DNAH7: variants seen among roughly 807,000 people sequenced by gnomAD.
DNAH7 encodes dynein axonemal heavy chain 7, also known as axonemal beta dynein heavy chain 7.
In DNAH7, 397 loss-of-function variants were observed where a neutral mutation model predicts 444.6. The ratio of observed to expected loss-of-function variants is 0.89; its 90% CI spans 0.82 to 0.97. The LOEUF (loss-of-function observed/expected upper bound fraction) is 0.97. Among genes scored for constraint, DNAH7 ranks in the 50% least tolerant of loss-of-function variants. The probability of loss-of-function intolerance (pLI) is 0.00; values close to 1 mark genes in which losing one functional copy is unlikely to be tolerated. For synonymous variants in DNAH7, 1,636 were observed against 1,624.4 expected (o/e 1.01, Z -0.17); for missense variants, 4,902 against 4,800.8 (o/e 1.02, Z -0.62).
rs369337635 is a variant in DNAH7 at position 196,049,528 on chromosome 2, G to A, written c.142-1124C>T. On this transcript the variant is annotated intron_variant, in intron 3 of 64. Coordinates refer to ENST00000312428, the MANE Select transcript of DNAH7 (RefSeq NM_018897.3). ...TCTGTAAAGAAAATCACTCCAGGTC[G>A]TAATTACTGCTGGAGAACTTCTATC... 5.9e-5 allele frequency among the ~76,000 whole-genome samples: 9 copies of A among 152,296 alleles called. No individual in the cohort carries two copies. In the East Asian group the frequency reaches 9.6e-4, roughly 16 times the overall value.
At chr2:196,052,284 G>A (rs1697522650) in intron 2 of DNAH7, among the ~76,000 whole-genome samples, 1 of 152,172 alleles carries the variant, frequency 6.6e-6, no homozygotes, top group African/African-American at 2.4e-5. Context: ...CAGACCTAGA[G>A]GGAGTGGCTG....
chr2:195,902,406 G>A (rs1686765914), intron 27 of DNAH7: 1 of 152,154 alleles, frequency 6.6e-6, no homozygotes, highest in Non-Finnish European at 1.5e-5. Context: ...AAGAGCATGA[G>A]AATTGCTATA....
chr2:195,800,674 C>A (rs1696403308), intron 54 of DNAH7, among the ~76,000 whole-genome samples: 1 of 152,194 alleles, frequency 6.6e-6, no homozygotes, highest in Admixed American at 6.5e-5. Context: ...TCATGCCTCA[C>A]TCACATCAAA....
intron 24 of DNAH7, among the ~76,000 whole-genome samples, chr2:195,915,268 G>A (rs1687604812): frequency 6.6e-6 from 1 of 152,308 alleles, no homozygotes; most frequent in South Asian, 2.1e-4. Context: ...AAGGCTACCT[G>A]TAAAAGGTGA....
rs975611007 is a variant in DNAH7, at chr2:195,776,084, G to A, written c.11065-101C>T. ...GTTTTCAATACTCAAGTTATTGACT[G>A]GATAGGCCTGTGACACTGGACATTG... On this transcript the variant is annotated intron_variant, in intron 59 of 64. Coordinates refer to ENST00000312428, the MANE Select transcript of DNAH7 (RefSeq NM_018897.3). 1.2e-5 allele frequency: 17 copies of A among 1,397,376 alleles called. No individual in the cohort carries two copies. In the East Asian group the frequency reaches 3.0e-4, roughly 25 times the overall value. 86.6% of individuals were successfully genotyped at this position (1,397,376 alleles called of 1,614,324 possible).
intron 19 of DNAH7, among the ~76,000 whole-genome samples, chr2:195,944,888 T>G (rs1689698778): frequency 6.6e-6 from 1 of 152,028 alleles, no homozygotes; most frequent in Non-Finnish European, 1.5e-5. Flanking sequence ...CTCACCTCCC[T>G]TGTACTTCAA....
Position 195,824,301 on chromosome 2 carries a change from G to T in DNAH7, c.9245C>A (p.Thr3082Asn), listed in dbSNP as rs1421546102. Reference sequence around the variant, plus strand: ...ATAATGAGGATTTCTTAACTTGGTAGTAATATAGAAGCGGAAGTCAGGTGC... The same window carrying T: ...ATAATGAGGATTTCTTAACTTGGTATTAATATAGAAGCGGAAGTCAGGTGC... ...EYAPDFRFYI[T>N]TKLRNPHYLP... The change falls in exon 49 of 65, where the codon ACT becomes AAT. Residue 3082 changes from threonine (T) to asparagine (N), a missense_variant. Physicochemically the swap from Thr to Asn is moderately conservative, Grantham distance 65. Transcript: ENST00000312428. 43 of 1,613,588 alleles carry T rather than the reference G, an allele frequency of 2.7e-5. No individual in the cohort carries two copies. Among genetic ancestry groups the T allele is most frequent in the Non-Finnish European group, 3.6e-5 (42 of 1,179,796 alleles).
At chr2:196,001,358 G>A in intron 11 of DNAH7, among the ~76,000 whole-genome samples, 1 of 149,670 alleles carries the variant, frequency 6.7e-6, no homozygotes, top group East Asian at 2.0e-4. Flanking sequence ...TAAATATGCA[G>A]GTTGACATTA....
In DNAH7 at chr2:195,861,988, G is replaced by A. The variant is rs377267635; in HGVS notation, c.7507-42C>T. On this transcript the variant is annotated intron_variant, in intron 41 of 64. Transcript: ENST00000312428. ...TGCTTTAGCATTTTATTAAGATTAC[G>A]AATCTGGATCTGCTACTACTGCAGC... The A allele has an allele frequency of 3.0e-4, 440 of 1,491,140 alleles. 4 individuals are homozygous for A. Among genetic ancestry groups the A allele is most frequent in the Middle Eastern group, 3.4e-4 (2 of 5,840 alleles). 92.4% of individuals were successfully genotyped at this position (1,491,140 alleles called of 1,614,324 possible). A position where few individuals can be genotyped will look rare whatever the true frequency, so the allele number is the denominator to read the frequency against.
At position 195,872,406 on chromosome 2, in the gene DNAH7, CAG is replaced by C. The variant is rs770408359; in HGVS notation, c.6475_6476del (p.Leu2159ValfsTer2). On this transcript the variant is annotated frameshift_variant, in exon 40 of 65. Coordinates refer to ENST00000312428, the MANE Select transcript of DNAH7 (RefSeq NM_018897.3). LOFTEE classifies it high-confidence loss of function. ...TTQIVNGTMT[L>X]YKEAMKNLLP... ...AGAGATTCTTCATTGCTTCTTTATA[CAG>C]AGTCATTGTGCCATTTACGATTTGT... The C allele has an allele frequency of 8.1e-6, 13 of 1,613,640 alleles. No individual in the cohort carries two copies. Among genetic ancestry groups the C allele is most frequent in the African/African-American group, 1.3e-5 (1 of 74,870 alleles).
chr2:195,880,013 T>C (rs938425597), intron 36 of DNAH7, among the ~76,000 whole-genome samples: 2 of 152,174 alleles, frequency 1.3e-5, no homozygotes, highest in African/African-American at 4.8e-5. Flanking sequence ...AATCTTTAAA[T>C]AGAATACTAC....
chr2:195,888,777 G>T (rs368826209), intron 32 of DNAH7, 22 bp downstream of exon 32: 5 of 1,594,726 alleles, frequency 3.1e-6, no homozygotes, highest in African/African-American at 1.4e-5. Context: ...TTTATAAAAA[G>T]ATGTCAAAAT....
At chr2:195,749,457 T>C (rs1693643753) in intron 63 of DNAH7, among the ~76,000 whole-genome samples, 1 of 152,278 alleles carries the variant, frequency 6.6e-6, no homozygotes, top group South Asian at 2.1e-4. Flanking sequence ...AGAAATACCA[T>C]TTGACCCACC....
At chr2:195,998,128 T>C (rs914532923) in intron 12 of DNAH7, among the ~76,000 whole-genome samples, 4 of 152,192 alleles carry the variant, frequency 2.6e-5, no homozygotes, top group Admixed American at 6.5e-5. Flanking sequence ...CTCTCAAAAT[T>C]TGATACCATG....
intron 5 of DNAH7, among the ~76,000 whole-genome samples, chr2:196,028,445 G>A (rs1276600572): frequency 1.3e-5 from 2 of 152,132 alleles, no homozygotes; most frequent in Non-Finnish European, 2.9e-5. Flanking sequence ...TTTAAACACA[G>A]TTTTGCAGAA....
In DNAH7 at chr2:195,861,910, G is replaced by C; in HGVS notation, c.7543C>G (p.Arg2515Gly). 1 of 1,613,856 alleles carries C rather than the reference G, an allele frequency of 6.2e-7. No homozygotes were observed. Among genetic ancestry groups the C allele is most frequent in the Non-Finnish European group, 8.5e-7 (1 of 1,179,830 alleles). The change falls in exon 42 of 65, where the codon CGA becomes GGA. Residue 2515 changes from arginine to glycine, a missense_variant. Physicochemically the swap from Arg to Gly is moderately radical, Grantham distance 125. Transcript: ENST00000312428. ...GACATTTCAATTTCTTCCAAGAATCGTGAGGCAACTGCCTGGAGTGCATCT... is the reference window on the plus strand; with the variant it reads ...GACATTTCAATTTCTTCCAAGAATCCTGAGGCAACTGCCTGGAGTGCATCT... The part of the protein sequence containing the change: ...PEDALQAVAS[R>G]FLEEIEMSEE...
At chr2:195,888,049 T>A (rs1009999753) in intron 33 of DNAH7, among the ~76,000 whole-genome samples, 8 of 152,164 alleles carry the variant, frequency 5.3e-5, no homozygotes, top group African/African-American at 1.9e-4. Flanking sequence ...GTTCTCTTTT[T>A]TTTAGAGAGA....
rs34839032 is a variant in DNAH7 at position 195,967,636 on chromosome 2, G to GT, written c.2205+2311dup. 6.6e-5 allele frequency among the ~76,000 whole-genome samples: 10 copies of GT among 152,260 alleles called. No individual in the cohort carries two copies. The East Asian group carries it at 1.9e-3, about 29-fold the overall frequency. On this transcript the variant is annotated intron_variant, in intron 17 of 64. Transcript: ENST00000312428. ...CATGATATACTATTCTAGGGTACAA[G>GT]TTTTTTCTTTCAGCACTTTAAATAT...
chr2:196,008,310 T>C (rs1465341270), intron 10 of DNAH7, among the ~76,000 whole-genome samples: 2 of 152,048 alleles, frequency 1.3e-5, no homozygotes, highest in African/African-American at 2.4e-5. Context: ...TGTGGAGAAA[T>C]TGGAACCCTC....
Sources: gnomAD v4.1 joint callset for allele counts (sites outside exome capture counted in the v4.1 genomes callset) on GRCh38, gnomAD v4.1.1 for gene constraint, MANE v1.5 for transcripts, NCBI Gene and HGNC (gene_info 2026-07-23, HGNC 2026-07-21) for gene names.